The following NTM variants were observed in gnomAD, a reference collection of about 807,000 sequenced individuals.
NTM encodes the protein neurotrimin.
NTM carries 13 observed loss-of-function variants against 42.1 expected under a neutral mutation model. That is an observed-to-expected ratio of 0.31 (90% CI 0.20 to 0.49). The LOEUF (loss-of-function observed/expected upper bound fraction) is 0.49. Among genes scored for constraint, NTM ranks in the 20% least tolerant of loss-of-function variants. The probability of loss-of-function intolerance (pLI) is 0.99; values close to 1 mark genes in which losing one functional copy is unlikely to be tolerated. For missense variants in NTM, 373 were observed against 452.8 expected (o/e 0.82, Z 1.60); for synonymous variants, 187 against 179.2 (o/e 1.04, Z -0.35).
intron 2 of NTM, among the ~76,000 whole-genome samples, chr11:132,101,070 T>C (rs2061563240): frequency 6.6e-6 from 1 of 152,238 alleles, no homozygotes; most frequent in African/African-American, 2.4e-5. Context: ...CTAAATTTAA[T>C]ATCCAGGGTA....
chr11:131,955,964 A>G lies in NTM; in HGVS notation c.167+44316A>G, dbSNP rs1366028927. Among the ~76,000 whole-genome samples, 7 of 152,238 alleles carry G rather than the reference A, an allele frequency of 4.6e-5. 1 individual carries two copies. The highest frequency in any genetic ancestry group is 1.4e-4 in the African/African-American group (6 of 41,460). ...ATCCTTGTCTTGCTGAATTATTTAC[A>G]GAACTTGTGAGGGCAGAGGCTGAGT... On this transcript the variant is annotated intron_variant, in intron 2 of 8. Coordinates refer to ENST00000683400, the MANE Select transcript of NTM (RefSeq NM_001352005.2).
At chr11:131,670,647 G>T (rs2070016296) in intron 1 of NTM, among the ~76,000 whole-genome samples, 1 of 152,146 alleles carries the variant, frequency 6.6e-6, no homozygotes, top group African/African-American at 2.4e-5. Flanking sequence ...AGGAGACAAG[G>T]CTAGGAGGCC....
intron 4 of NTM, among the ~76,000 whole-genome samples, chr11:132,295,087 A>G (rs926589618): frequency 6.6e-6 from 1 of 151,996 alleles, no homozygotes; most frequent in Non-Finnish European, 1.5e-5. Context: ...AGATTTTAAG[A>G]CATCTCTTCA....
At chr11:131,397,341 A>C (rs1315115193) in intron 1 of NTM, among the ~76,000 whole-genome samples, 1 of 152,102 alleles carries the variant, frequency 6.6e-6, no homozygotes, top group Non-Finnish European at 1.5e-5. Context: ...CATCAATTTT[A>C]TCATTTTACC....
intron 1 of NTM, among the ~76,000 whole-genome samples, chr11:131,371,743 TC>T (rs1459081165): frequency 6.8e-6 from 1 of 146,718 alleles, no homozygotes; most frequent in East Asian, 2.3e-4. Flanking sequence ...GTCTGTTCGT[TC>T]CAGCAACAGA....
At chr11:131,671,907 T>C (rs2070333187) in intron 1 of NTM, among the ~76,000 whole-genome samples, 1 of 152,240 alleles carries the variant, frequency 6.6e-6, no homozygotes, top group South Asian at 2.1e-4. Context: ...CAGCAGGTGC[T>C]TGGCTCCGGG....
At chr11:132,292,787 TAAA>T (rs61603794) in intron 4 of NTM, among the ~76,000 whole-genome samples, 13 of 56,564 alleles carry the variant, frequency 2.3e-4, no homozygotes, top group African/African-American at 4.1e-4. Context: ...GATGTAAAAG[TAAA>T]AAAAAAAAAA....
chr11:131,584,510 T>C (rs1251271719), intron 1 of NTM, among the ~76,000 whole-genome samples: 1 of 152,142 alleles, frequency 6.6e-6, no homozygotes, highest in Non-Finnish European at 1.5e-5. Flanking sequence ...GCCGGGACTA[T>C]ATGTGAGAAT....
chr11:132,161,001 G>A (rs1230000946), intron 3 of NTM, among the ~76,000 whole-genome samples: 1 of 152,216 alleles, frequency 6.6e-6, no homozygotes, highest in Non-Finnish European at 1.5e-5. Context: ...TTAGGGGAGA[G>A]CAGACCCAAT....
intron 2 of NTM, among the ~76,000 whole-genome samples, chr11:131,975,273 C>T (rs371539021): frequency 3.3e-5 from 5 of 152,030 alleles, no homozygotes; most frequent in Non-Finnish European, 5.9e-5. Context: ...CTCTGCCTCC[C>T]GGGTTCAAGC....
chr11:131,676,457 G>A (rs558355469), intron 1 of NTM, among the ~76,000 whole-genome samples: 78 of 152,010 alleles, frequency 5.1e-4, no homozygotes, highest in Admixed American at 2.0e-3. Context: ...GTGTGTGTCT[G>A]TGCCTGTGTA....
chr11:131,686,370 A>T (rs1157745827), intron 1 of NTM, among the ~76,000 whole-genome samples: 1 of 152,254 alleles, frequency 6.6e-6, no homozygotes, highest in Non-Finnish European at 1.5e-5. Context: ...TATATACCAT[A>T]ATCTCACAAT....
intron 2 of NTM, among the ~76,000 whole-genome samples, chr11:132,046,387 A>T (rs1380606690): frequency 2.1e-5 from 2 of 95,084 alleles, no homozygotes; most frequent in Non-Finnish European, 4.4e-5. Flanking sequence ...AAAGGAAAAG[A>T]AAAAAAAAAA....
chr11:132,245,036 G>A lies in NTM; in HGVS notation c.526+32889G>A, dbSNP rs1161520505. Among the ~76,000 whole-genome samples, 3 of 152,360 alleles carry A rather than the reference G, an allele frequency of 2.0e-5. No individual in the cohort carries two copies. In the East Asian group the frequency reaches 5.8e-4, roughly 29 times the overall value. ...ATAAAATTTTCATTTCCAGTTGAAT[G>A]TGCGTCCAATTCGCCGTGAAATGTT... On this transcript the variant is annotated intron_variant, in intron 4 of 8. Transcript: ENST00000683400.
chr11:131,748,900 T>C (rs1307968018), intron 1 of NTM, among the ~76,000 whole-genome samples: 1 of 152,186 alleles, frequency 6.6e-6, no homozygotes, highest in Non-Finnish European at 1.5e-5. Flanking sequence ...CCTCACAGCA[T>C]GGGGGCTTTT....
At chr11:132,186,330 C>T (rs1257361078) in intron 3 of NTM, among the ~76,000 whole-genome samples, 1 of 152,208 alleles carries the variant, frequency 6.6e-6, no homozygotes, top group Non-Finnish European at 1.5e-5. Flanking sequence ...CCAAGGGAAG[C>T]AGGCAGTGGA....
intron 1 of NTM, among the ~76,000 whole-genome samples, chr11:131,469,054 A>G (rs1487924363): frequency 6.6e-6 from 1 of 152,062 alleles, no homozygotes; most frequent in African/African-American, 2.4e-5. Context: ...ATTCTGCTTT[A>G]TTTTTTCATC....
At chr11:132,108,027 C>T (rs1445869261) in intron 2 of NTM, among the ~76,000 whole-genome samples, 4 of 152,162 alleles carry the variant, frequency 2.6e-5, no homozygotes, top group Non-Finnish European at 5.9e-5. Context: ...TTACTCAAAC[C>T]TTGTTAATGA....
rs550307199 is a variant in NTM at position 131,916,336 on chromosome 11, C to T, written c.167+4688C>T. On this transcript the variant is annotated intron_variant, in intron 2 of 8. Coordinates refer to ENST00000683400, the MANE Select transcript of NTM (RefSeq NM_001352005.2). Reference sequence around the variant, plus strand: ...AATGCTTTCCACATTTCAGAGATTCCCCAATTAAGGCAGCAGCTAGTAAAG... The same window carrying T: ...AATGCTTTCCACATTTCAGAGATTCTCCAATTAAGGCAGCAGCTAGTAAAG... Among the ~76,000 whole-genome samples, 52 of 152,276 alleles carry T rather than the reference C, an allele frequency of 3.4e-4. 1 individual carries two copies. Among genetic ancestry groups the T allele is most frequent in the African/African-American group, 1.1e-3 (47 of 41,552 alleles).
Sources: gnomAD v4.1 joint callset for allele counts (sites outside exome capture counted in the v4.1 genomes callset) on GRCh38, gnomAD v4.1.1 for gene constraint, MANE v1.5 for transcripts, NCBI Gene and HGNC (gene_info 2026-07-23, HGNC 2026-07-21) for gene names.